The following CHST11 variants were observed in gnomAD, a reference collection of about 807,000 sequenced individuals.
CHST11 encodes the protein C4S-1.
A neutral mutation model predicts 30.4 loss-of-function variants in CHST11; 9 were observed. That is an observed-to-expected ratio of 0.30 (90% CI 0.18 to 0.52). The LOEUF is 0.52. Ranked by LOEUF, CHST11 falls within the 20% of genes least tolerant of loss-of-function variation. The probability of loss-of-function intolerance (pLI) is 0.97; values close to 1 mark genes in which losing one functional copy is unlikely to be tolerated. For missense variants in CHST11, 348 were observed against 460.6 expected, an observed-to-expected ratio of 0.76 and a Z score of 2.24; for synonymous variants, 152 against 187.8, an observed-to-expected ratio of 0.81 and a Z score of 1.56.
intron 1 of CHST11, among the ~76,000 whole-genome samples, chr12:104,582,581 C>T (rs981412129): frequency 6.6e-5 from 10 of 152,138 alleles, no homozygotes; most frequent in East Asian, 1.9e-4. Context: ...CCCCTCTGCA[C>T]GCCCTTCTCA....
At chr12:104,616,444 C>G (rs2039108587) in intron 2 of CHST11, among the ~76,000 whole-genome samples, 1 of 151,580 alleles carries the variant, frequency 6.6e-6, no homozygotes, top group Non-Finnish European at 1.5e-5. Context: ...GGCCCCCACC[C>G]CAGCCTGCCA....
intron 2 of CHST11, among the ~76,000 whole-genome samples, chr12:104,699,263 G>A (rs547485116): frequency 3.3e-4 from 51 of 152,312 alleles, no homozygotes; most frequent in African/African-American, 1.2e-3. Flanking sequence ...GCTCACGTGT[G>A]GTGACTGAGC....
At chr12:104,741,349 G>C (rs1307552921) in intron 2 of CHST11, among the ~76,000 whole-genome samples, 1 of 152,200 alleles carries the variant, frequency 6.6e-6, no homozygotes, top group Non-Finnish European at 1.5e-5. Flanking sequence ...TCTCTTGGGG[G>C]AGGACCAGCC....
chr12:104,539,372 G>A (rs940920885), intron 1 of CHST11, among the ~76,000 whole-genome samples: 5 of 152,112 alleles, frequency 3.3e-5, no homozygotes, highest in African/African-American at 9.7e-5. Context: ...AGTAGTTAGT[G>A]TTTGTTTTTG....
intron 1 of CHST11, among the ~76,000 whole-genome samples, chr12:104,495,779 C>T (rs1015288814): frequency 3.9e-5 from 6 of 152,214 alleles, no homozygotes; most frequent in African/African-American, 1.4e-4. Context: ...GGTCACACAA[C>T]GAACTGAAGC....
rs947688424 is a variant in CHST11, at chr12:104,458,188, T to C, written c.118+659T>C. ...CGGCCGTTTGCCCCCGGGGTCCGGCTCCGCAGTGACCTTGCGGCTGGTGCC... is the reference window on the plus strand; with the variant it reads ...CGGCCGTTTGCCCCCGGGGTCCGGCCCCGCAGTGACCTTGCGGCTGGTGCC... On this transcript the variant is annotated intron_variant, in intron 1 of 2. Transcript: ENST00000303694. The surrounding 1 kb of genome is among the most constrained non-coding windows in gnomAD (Gnocchi z 5.7). 6.6e-6 allele frequency among the ~76,000 whole-genome samples: 1 copy of C among 151,976 alleles called. No individual in the cohort carries two copies. The highest frequency in any genetic ancestry group is 1.5e-5 in the Non-Finnish European group (1 of 67,970).
At chr12:104,551,370 A>G (rs2038403431) in intron 1 of CHST11, among the ~76,000 whole-genome samples, 1 of 152,116 alleles carries the variant, frequency 6.6e-6, no homozygotes, top group Non-Finnish European at 1.5e-5. Context: ...GGTAGTGTGC[A>G]GGGAAGTTGG....
chr12:104,644,345 C>T (rs963458437), intron 2 of CHST11, among the ~76,000 whole-genome samples: 5 of 152,220 alleles, frequency 3.3e-5, no homozygotes, highest in African/African-American at 1.2e-4. Flanking sequence ...GGTGGCCTCC[C>T]TACTGATGTC....
chr12:104,747,163 G>A (rs2040394353), intron 2 of CHST11, among the ~76,000 whole-genome samples: 1 of 152,238 alleles, frequency 6.6e-6, no homozygotes, highest in Admixed American at 6.5e-5. Flanking sequence ...TATGATCCCA[G>A]TGAGCTGCTA....
chr12:104,761,746 A>G lies in CHST11; in HGVS notation c.*3943A>G, dbSNP rs952972073. 4.6e-5 allele frequency: 7 copies of G among 152,238 alleles called. No homozygotes were observed. The highest frequency in any genetic ancestry group is 1.7e-4 in the African/African-American group (7 of 41,468). The allele number at this position is 152,238 out of a possible 1,614,324, so 9.4% of individuals were successfully genotyped here. ...TTGTTAGGTCCAGAAGGAGCTGCCC[A>G]TACTACTTTCTTATGAGCATGCTCA... On this transcript the variant is annotated 3_prime_UTR_variant, in exon 3 of 3. Coordinates refer to ENST00000303694, the MANE Select transcript of CHST11 (RefSeq NM_018413.6).
intron 1 of CHST11, among the ~76,000 whole-genome samples, chr12:104,542,270 C>CT (rs1021626990): frequency 2.0e-4 from 31 of 152,310 alleles, no homozygotes; most frequent in African/African-American, 7.2e-4. Context: ...CCCAAAAGAA[C>CT]TGAAAGCAGG....
Position 104,524,137 on chromosome 12 carries a change from G to A in CHST11, c.118+66608G>A, listed in dbSNP as rs183025243. On this transcript the variant is annotated intron_variant, in intron 1 of 2. Coordinates refer to ENST00000303694, the MANE Select transcript of CHST11 (RefSeq NM_018413.6). ...TACTGACCCAAAGTATTTTTCTTGC[G>A]AATAAATGTTGCTTCCCACCACAGT... Among the ~76,000 whole-genome samples the A allele has an allele frequency of 1.9e-3, 288 of 149,680 alleles. 1 individual carries two copies. The highest frequency in any genetic ancestry group is 6.9e-3 in the African/African-American group (280 of 40,612).
chr12:104,712,620 G>A (rs146435406), intron 2 of CHST11, among the ~76,000 whole-genome samples: 47 of 152,094 alleles, frequency 3.1e-4, no homozygotes, highest in Non-Finnish European at 6.2e-4. Flanking sequence ...AGCTGGCCAC[G>A]TCTACACTAA....
At chr12:104,538,199 A>G (rs982477195) in intron 1 of CHST11, among the ~76,000 whole-genome samples, 26 of 152,130 alleles carry the variant, frequency 1.7e-4, no homozygotes, top group African/African-American at 6.3e-4. Context: ...TTTCTCAGAC[A>G]TTCCTTATTT....
chr12:104,685,040 G>A (rs2039833832), intron 2 of CHST11, among the ~76,000 whole-genome samples: 1 of 152,202 alleles, frequency 6.6e-6, no homozygotes, highest in Non-Finnish European at 1.5e-5. Flanking sequence ...ACTCTGCATG[G>A]ATTTTGTTCC....
intron 2 of CHST11, among the ~76,000 whole-genome samples, chr12:104,698,105 C>T (rs1450151177): frequency 6.6e-6 from 1 of 152,212 alleles, no homozygotes; most frequent in Non-Finnish European, 1.5e-5. Context: ...CATGCAGTCA[C>T]ATATCAAGCC....
intron 2 of CHST11, among the ~76,000 whole-genome samples, chr12:104,618,224 CTTT>C (rs1375360622): frequency 4.1e-5 from 3 of 73,386 alleles, no homozygotes; most frequent in African/African-American, 5.1e-5. Flanking sequence ...CTTTTCTTTT[CTTT>C]TTTTTTTTTT....
chr12:104,690,702 G>A (rs554721307), intron 2 of CHST11, among the ~76,000 whole-genome samples: 22 of 152,262 alleles, frequency 1.4e-4, no homozygotes, highest in South Asian at 4.1e-4. Context: ...GGGGGCATAC[G>A]CCTGTGGTCC....
rs183045361 is a variant in CHST11 at position 104,540,628 on chromosome 12, G to A, written c.119-61278G>A. ...ACCTGGGTGATCTTGTCTTAGATTG[G>A]TGCCTCAGCAGAATCAGAACGATTG... On this transcript the variant is annotated intron_variant, in intron 1 of 2. Transcript: ENST00000303694. Among the ~76,000 whole-genome samples the A allele has an allele frequency of 8.1e-4, 123 of 152,304 alleles. 1 individual carries two copies. The highest frequency in any genetic ancestry group is 2.9e-3 in the African/African-American group (119 of 41,572).
Sources: gnomAD v4.1 joint callset for allele counts (sites outside exome capture counted in the v4.1 genomes callset) on GRCh38, gnomAD v4.1.1 for gene constraint, Gnocchi (gnomAD v3.1) non-coding constraint, MANE v1.5 for transcripts, NCBI Gene and HGNC (gene_info 2026-07-23, HGNC 2026-07-21) for gene names.